Variants in GUCY1A2 observed in about 807,000 individuals in gnomAD.
The protein encoded by GUCY1A2 is guanylate cyclase soluble subunit alpha-2.
Under a neutral mutation model 63.5 loss-of-function variants are expected in GUCY1A2, and 27 were observed. The ratio of observed to expected loss-of-function variants is 0.43; its 90% CI spans 0.31 to 0.59. The LOEUF (loss-of-function observed/expected upper bound fraction) is 0.59, where lower values mean the gene tolerates loss of function less well. Ranked by LOEUF, GUCY1A2 falls within the 20% of genes least tolerant of loss-of-function variation. The pLI is 0.11. For synonymous variants in GUCY1A2, 364 were observed against 343.5 expected (o/e 1.06, Z -0.66); for missense variants, 768 against 913.3 (o/e 0.84, Z 2.05).
Position 106,986,110 on chromosome 11 carries a change from G to A in GUCY1A2, c.325C>T (p.Leu109Phe). ...APSPQTIQQT[L>F]KRTLQYYEHQ... ...TCATAATACTGCAGTGTCCTCTTGA[G>A]AGTCTGCTGTATCGTCTGAGGCTAC... The change falls in exon 2 of 8, where the codon CTC (leucine) becomes TTC (phenylalanine). Residue 109 changes from leucine (L) to phenylalanine (F), a missense_variant. Coordinates refer to ENST00000526355, the MANE Select transcript of GUCY1A2 (RefSeq NM_000855.3). 1 of 1,501,010 alleles carries A rather than the reference G, an allele frequency of 6.7e-7. No individual in the cohort carries two copies. The highest frequency in any genetic ancestry group is 9.3e-7 in the Non-Finnish European group (1 of 1,077,126). The allele number at this position is 1,501,010 out of a possible 1,614,324, so 93.0% of individuals were successfully genotyped here.
chr11:106,968,938 A>T (rs1861160941), intron 3 of GUCY1A2, among the ~76,000 whole-genome samples: 1 of 152,192 alleles, frequency 6.6e-6, no homozygotes, highest in Non-Finnish European at 1.5e-5. Context: ...TACTATGAGT[A>T]ACAGAAATGG....
chr11:107,011,495 T>TAATC (rs1861743392), intron 1 of GUCY1A2, among the ~76,000 whole-genome samples: 1 of 147,972 alleles, frequency 6.8e-6, no homozygotes, highest in African/African-American at 2.5e-5. Flanking sequence ...AAGGAATATA[T>TAATC]AATCAGGACT....
chr11:106,682,839 CAA>C lies in GUCY1A2; in HGVS notation c.*4708_*4709del, dbSNP rs1444304235. 9.3e-6 allele frequency: 2 copies of C among 215,170 alleles called. No homozygotes were observed. Among genetic ancestry groups the C allele is most frequent in the Non-Finnish European group, 1.9e-5 (2 of 106,656 alleles). 13.3% of individuals were successfully genotyped at this position (215,170 alleles called of 1,614,324 possible). A position where few individuals can be genotyped will look rare whatever the true frequency, so the allele number is the denominator to read the frequency against. On this transcript the variant is annotated 3_prime_UTR_variant, in exon 8 of 8. Coordinates refer to ENST00000526355, the MANE Select transcript of GUCY1A2 (RefSeq NM_000855.3). ...AGAAGGAACAAAGGAAGGAAGAAAA[CAA>C]GGGATGGAAGAACAGTCATACGCAG...
intron 3 of GUCY1A2, among the ~76,000 whole-genome samples, chr11:106,969,926 T>C (rs1861172825): frequency 6.6e-6 from 1 of 152,166 alleles, no homozygotes; most frequent in Non-Finnish European, 1.5e-5. Context: ...GAGCTAAGTG[T>C]TTTTGTTTTG....
At chr11:106,898,400 GT>G (rs1860080526) in intron 4 of GUCY1A2, among the ~76,000 whole-genome samples, 1 of 152,198 alleles carries the variant, frequency 6.6e-6, no homozygotes, top group Non-Finnish European at 1.5e-5. Context: ...CACAATGGAT[GT>G]TTATAGCAGG....
intron 6 of GUCY1A2, among the ~76,000 whole-genome samples, chr11:106,710,193 TATAGTTATATATTATATACATGTATATA>T (rs1863085084): frequency 1.5e-5 from 1 of 66,486 alleles, no homozygotes; most frequent in Non-Finnish European, 2.6e-5. Context: ...ATATATAATA[TATAGTTATATATTATATACATGTATATA>T]ATATAGTTAT....
At chr11:106,819,751 C>G (rs1452807338) in intron 4 of GUCY1A2, among the ~76,000 whole-genome samples, 2 of 152,170 alleles carry the variant, frequency 1.3e-5, no homozygotes, top group Admixed American at 6.5e-5. Flanking sequence ...TGTAACCAAA[C>G]CCACAGTATC....
intron 6 of GUCY1A2, among the ~76,000 whole-genome samples, chr11:106,723,810 G>T (rs1036799792): frequency 2.0e-5 from 3 of 151,734 alleles, no homozygotes; most frequent in African/African-American, 7.3e-5. Flanking sequence ...GGCAACAAGA[G>T]CGAAACTCCA....
rs953085182 is a variant in GUCY1A2 at position 106,678,958 on chromosome 11, C to G, written c.*8591G>C. ...GTAATTCACAATTAAGTGTTATCAT[C>G]AGAGGATAAAACTCTAAGGAACCTA... is the stretch of plus-strand genomic sequence containing the variant. On this transcript the variant is annotated 3_prime_UTR_variant, in exon 8 of 8. Transcript: ENST00000526355. The G allele has an allele frequency of 5.3e-6, 1 of 189,424 alleles. No homozygotes were observed. Among genetic ancestry groups the G allele is most frequent in the Non-Finnish European group, 1.1e-5 (1 of 90,132 alleles). 11.7% of individuals were successfully genotyped at this position (189,424 alleles called of 1,614,324 possible). A position where few individuals can be genotyped will look rare whatever the true frequency, so the allele number is the denominator to read the frequency against.
intron 6 of GUCY1A2, among the ~76,000 whole-genome samples, chr11:106,742,458 C>T (rs528511574): frequency 3.9e-5 from 6 of 152,188 alleles, no homozygotes; most frequent in East Asian, 3.9e-4. Flanking sequence ...TCTGTTCCTG[C>T]GTTAGTTTAC....
At chr11:106,772,998 T>C (rs998795866) in intron 6 of GUCY1A2, among the ~76,000 whole-genome samples, 1 of 152,312 alleles carries the variant, frequency 6.6e-6, no homozygotes, top group Non-Finnish European at 1.5e-5. Flanking sequence ...TTTTCATCAC[T>C]GGTAGGAGTG....
At chr11:106,764,977 G>GT (rs1210155647) in intron 6 of GUCY1A2, among the ~76,000 whole-genome samples, 1 of 94,316 alleles carries the variant, frequency 1.1e-5, no homozygotes, top group Non-Finnish European at 2.3e-5. Flanking sequence ...TTTTGGGGGG[G>GT]GGTTGGGGGG....
chr11:106,912,458 T>C lies in GUCY1A2; in HGVS notation c.1206+27002A>G, dbSNP rs1331473380. Among the ~76,000 whole-genome samples the C allele has an allele frequency of 4.6e-5, 7 of 152,188 alleles. No homozygotes were observed. In the East Asian group the frequency reaches 7.7e-4, roughly 17 times the overall value. ...ATAAGCATTCTCTTGTTTAAAAAAA[T>C]ATGTTCTCCCCAGAACCAAATAAAG... is the stretch of plus-strand genomic sequence containing the variant. On this transcript the variant is annotated intron_variant, in intron 4 of 7. Transcript: ENST00000526355.
chr11:106,752,612 T>C (rs951036565), intron 6 of GUCY1A2, among the ~76,000 whole-genome samples: 22 of 152,044 alleles, frequency 1.4e-4, no homozygotes, highest in African/African-American at 5.3e-4. Flanking sequence ...ATATGCAGTG[T>C]TGGTTTTCCG....
rs77679979 is a variant in GUCY1A2 at position 106,894,310 on chromosome 11, C to A, written c.1206+45150G>T. Among the ~76,000 whole-genome samples, 1,105 of 152,212 alleles carry A rather than the reference C, an allele frequency of 7.3e-3. 8 individuals are homozygous for A. Among genetic ancestry groups the A allele is most frequent in the Middle Eastern group, 0.017 (5 of 294 alleles). On this transcript the variant is annotated intron_variant, in intron 4 of 7. Coordinates refer to ENST00000526355, the MANE Select transcript of GUCY1A2 (RefSeq NM_000855.3). Reference sequence around the variant, plus strand: ...AGTGTCAAAACACATGAGACAAAAACTGATAAAAGTTTAGGGAGAAATAGA... The same window carrying A: ...AGTGTCAAAACACATGAGACAAAAAATGATAAAAGTTTAGGGAGAAATAGA...
At chr11:106,755,642 T>C (rs950074253) in intron 6 of GUCY1A2, among the ~76,000 whole-genome samples, 17 of 152,204 alleles carry the variant, frequency 1.1e-4, no homozygotes, top group Admixed American at 9.2e-4. Context: ...TCAGTTTCCA[T>C]GTAGTTGTGC....
chr11:106,937,008 G>A (rs976965775), intron 4 of GUCY1A2, among the ~76,000 whole-genome samples: 1 of 151,952 alleles, frequency 6.6e-6, no homozygotes, highest in Non-Finnish European at 1.5e-5. Context: ...TTAATAAACT[G>A]TAAATGTGAA....
intron 6 of GUCY1A2, among the ~76,000 whole-genome samples, chr11:106,725,299 A>G (rs1863387959): frequency 2.0e-5 from 2 of 100,292 alleles, no homozygotes; most frequent in Non-Finnish European, 4.2e-5. Flanking sequence ...CAGCCTCCCA[A>G]GTAGCTGGGA....
chr11:106,687,713 G>C lies in GUCY1A2; in HGVS notation c.2035C>G (p.Arg679Gly). The C allele has an allele frequency of 6.2e-7, 1 of 1,612,946 alleles. No individual in the cohort carries two copies. Among genetic ancestry groups the C allele is most frequent in the Non-Finnish European group, 8.5e-7 (1 of 1,178,936 alleles). Residue 679 changes from arginine (R) to glycine (G), a missense_variant, in exon 8 of 8, where the codon CGT (arginine) becomes GGT (glycine). By Grantham distance (125) the Arg-to-Gly change is moderately radical. Around this residue, in one of 3 missense-constraint regions of GUCY1A2, gnomAD observed 150 missense variants for 188.3 expected, o/e 0.80. Transcript: ENST00000526355. ...GGAAAGTTGTCTGGAAGCTCTTCAC[G>C]AGACCGCGGAATGAATGTGAAACTT... ...EESFTFIPRS[R>G]EELPDNFPKE...
Sources: allele counts gnomAD v4.1 joint callset (sites outside exome capture counted in the v4.1 genomes callset), GRCh38; gene constraint gnomAD v4.1.1; regional missense constraint gnomAD v4.1.1; transcripts MANE v1.5; gene names NCBI Gene and HGNC (gene_info 2026-07-23, HGNC 2026-07-21).